The following SUPT7L variants were observed in gnomAD, a reference collection of about 807,000 sequenced individuals.
The protein encoded by SUPT7L is SPT7 like, STAGA complex subunit gamma, also known as STAGA complex 65 subunit gamma.
In SUPT7L, 15 loss-of-function variants were observed where a neutral mutation model predicts 35.7. The ratio of observed to expected loss-of-function variants is 0.42; its 90% CI spans 0.28 to 0.65. The LOEUF (loss-of-function observed/expected upper bound fraction) is 0.65, where lower values mean the gene tolerates loss of function less well. Ranked by LOEUF, SUPT7L falls within the 30% of genes least tolerant of loss-of-function variation. The pLI is 0.23. For synonymous variants in SUPT7L, 168 were observed against 186.2 expected (o/e 0.90, Z 0.79); for missense variants, 434 against 522.2 (o/e 0.83, Z 1.65).
At chr2:27,659,334 T>A (rs1364393868) in intron 3 of SUPT7L, among the ~76,000 whole-genome samples, 1 of 152,242 alleles carries the variant, frequency 6.6e-6, no homozygotes. Context: ...ACTAAAATAG[T>A]ATTACCAGCA....
rs1317557898 is a variant in SUPT7L, at chr2:27,653,548, G to A, written c.1182C>T (p.Asp394=). 2 of 1,614,216 alleles carry A rather than the reference G, an allele frequency of 1.2e-6. No homozygotes were observed. Among genetic ancestry groups the A allele is most frequent in the Admixed American group, 1.7e-5 (1 of 60,026 alleles). ...SDSSYGSHST[D]SLMGSSPVFN... ...AAACAGGGGAGGACCCCATGAGGCT[G>A]TCAGTGGAGTGGGAACCATAGCTGC... The change falls in exon 6 of 6, where the codon GAC becomes GAT. Residue 394 remains aspartate (D), a synonymous_variant. Transcript: ENST00000337768.
chr2:27,644,732 T>G, the SUPT7L span, among the ~76,000 whole-genome samples: 1,658 of 148,528 alleles, frequency 0.011, 17 homozygotes, highest in Non-Finnish European at 0.018. Context: ...TGTTTTTTTT[T>G]TTTTTTTTTT....
At position 27,653,431 on chromosome 2, in the gene SUPT7L, A is replaced by T; in HGVS notation, c.*54T>A. 6.4e-7 allele frequency: 1 copy of T among 1,558,604 alleles called. No individual in the cohort carries two copies. Among genetic ancestry groups the T allele is most frequent in the Admixed American group, 1.9e-5 (1 of 51,980 alleles). ...TTAAGGAAACAGATTCTAATACAAA[A>T]ACCTTTTCTGTTGGGTCTAGTAGGT... On this transcript the variant is annotated 3_prime_UTR_variant, in exon 6 of 6. Transcript: ENST00000337768.
At chr2:27,646,333 TG>T (rs1273574622), downstream of SUPT7L, among the ~76,000 whole-genome samples, 1 of 152,162 alleles carries the variant, frequency 6.6e-6, no homozygotes, top group African/African-American at 2.4e-5. Flanking sequence ...TGAGCCACCA[TG>T]CCCAGCCCCA....
chr2:27,659,789 A>C (rs1674964872), intron 3 of SUPT7L, among the ~76,000 whole-genome samples: 1 of 152,196 alleles, frequency 6.6e-6, no homozygotes, highest in Admixed American at 6.6e-5. Flanking sequence ...ACAAGTATGC[A>C]TATATGTATG....
intron 2 of SUPT7L, chr2:27,661,828 T>C: frequency 2.5e-6 from 1 of 396,594 alleles, no homozygotes; most frequent in East Asian, 5.9e-5. Context: ...TAAGGTATCT[T>C]GATACATCTG....
At chr2:27,661,608 AAATT>A (rs1675113514) in intron 2 of SUPT7L, 14 of 1,393,506 alleles carry the variant, frequency 1.0e-5, no homozygotes, top group Non-Finnish European at 1.3e-5. Context: ...CTCCCTAAAT[AAATT>A]AAGAGAAATG....
the SUPT7L span, among the ~76,000 whole-genome samples, chr2:27,645,532 A>G: frequency 7.2e-5 from 11 of 152,186 alleles, no homozygotes; most frequent in African/African-American, 2.6e-4. Context: ...CATCTCTATG[A>G]TGTTCAGTCT....
intron 1 of SUPT7L, 106 bp from the exon 2 acceptor site, chr2:27,662,387 C>T: frequency 1.8e-6 from 1 of 569,718 alleles, no homozygotes; most frequent in Non-Finnish European, 3.1e-6. Context: ...AAAGGAGGAG[C>T]TTCCTGGGTG....
At chr2:27,650,172 C>T, downstream of SUPT7L, 1 of 1,601,506 alleles carries the variant, frequency 6.2e-7, no homozygotes, top group Non-Finnish European at 8.6e-7. Context: ...GAATCGATGG[C>T]ACAATACTGG....
At chr2:27,654,733 A>G (rs1385087336) in intron 5 of SUPT7L, among the ~76,000 whole-genome samples, 3 of 152,016 alleles carry the variant, frequency 2.0e-5, no homozygotes, top group Non-Finnish European at 2.9e-5. Flanking sequence ...CGCCCAGCAT[A>G]TTTTTTGTAT....
At chr2:27,656,390 T>C (rs1674806027) in intron 4 of SUPT7L, among the ~76,000 whole-genome samples, 1 of 152,152 alleles carries the variant, frequency 6.6e-6, no homozygotes, top group Non-Finnish European at 1.5e-5. Context: ...CTCCAGGCAA[T>C]ATCATTTTAC....
chr2:27,659,057 CA>C (rs1365607477), intron 3 of SUPT7L, among the ~76,000 whole-genome samples: 1 of 152,106 alleles, frequency 6.6e-6, no homozygotes, highest in African/African-American at 2.4e-5. Flanking sequence ...TGATAGATAA[CA>C]TTATATTGTT....
chr2:27,646,900 A>C (rs1674258820), downstream of SUPT7L, among the ~76,000 whole-genome samples: 1 of 152,168 alleles, frequency 6.6e-6, no homozygotes, highest in East Asian at 1.9e-4. Context: ...AGCAAAATAC[A>C]TTTCTATGTG....
chr2:27,662,287 G>A lies in SUPT7L; in HGVS notation c.-89-6C>T. 5 of 1,345,418 alleles carry A rather than the reference G, an allele frequency of 3.7e-6. No homozygotes were observed. The highest frequency in any genetic ancestry group is 3.4e-5 in the Admixed American group (2 of 59,168). The allele number at this position is 1,345,418 out of a possible 1,614,324, so 83.3% of individuals were successfully genotyped here. A position where few individuals can be genotyped will look rare whatever the true frequency, so the allele number is the denominator to read the frequency against. ...GATAATGTGAGATCCTTGCCCTGAA[G>A]TGAGGAAGAGAAACAGAAGCAGAAT... On this transcript the variant is annotated splice_region_variant and splice_polypyrimidine_tract_variant and intron_variant, in intron 1 of 5. Transcript: ENST00000337768.
the SUPT7L span, among the ~76,000 whole-genome samples, chr2:27,644,026 A>G: frequency 6.6e-6 from 1 of 152,180 alleles, no homozygotes; most frequent in Non-Finnish European, 1.5e-5. Flanking sequence ...TAAAAATACA[A>G]AAAATTAGCT....
In SUPT7L at chr2:27,661,031, A is replaced by G. The variant is rs780766858; in HGVS notation, c.372T>C (p.Asn124=). 3.1e-6 allele frequency: 5 copies of G among 1,614,170 alleles called. No homozygotes were observed. The highest frequency in any genetic ancestry group is 4.2e-6 in the Non-Finnish European group (5 of 1,180,016). ...CACTGTGCCGGATCTGGAATGGTGCATTGGGATTCTTACAATCTAAAGGCA... is the reference window on the plus strand; with the variant it reads ...CACTGTGCCGGATCTGGAATGGTGCGTTGGGATTCTTACAATCTAAAGGCA... ...DLLPLDCKNP[N]APFQIRHSDP... The change falls in exon 3 of 6, where the codon AAT becomes AAC. Residue 124 remains asparagine (N), a synonymous_variant. Coordinates refer to ENST00000337768, the MANE Select transcript of SUPT7L (RefSeq NM_014860.3).
downstream of SUPT7L, among the ~76,000 whole-genome samples, chr2:27,646,601 C>T (rs1674246035): frequency 1.3e-5 from 2 of 152,116 alleles, no homozygotes. Context: ...AGGGACTGCC[C>T]TCAAGATTCA....
Position 27,653,526 on chromosome 2 carries a change from CAG to C in SUPT7L, c.1202_1203del (p.Pro401ArgfsTer43), listed in dbSNP as rs755799794. The C allele has an allele frequency of 2.5e-5, 40 of 1,614,060 alleles. No homozygotes were observed. The highest frequency in any genetic ancestry group is 9.9e-5 in the South Asian group (9 of 91,084). ...CTCTTCTTGCAGCGCTGGTTGAAAACAGGGGAGGACCCCATGAGGCTGTCAGT... is the reference window on the plus strand; with the variant it reads ...CTCTTCTTGCAGCGCTGGTTGAAAACGGGAGGACCCCATGAGGCTGTCAGT... ...HSTDSLMGSS[P>X]VFNQRCKKRM... On this transcript the variant is annotated frameshift_variant, in exon 6 of 6. Transcript: ENST00000337768. LOFTEE classifies it high-confidence loss of function.
Sources: allele counts gnomAD v4.1 joint callset (sites outside exome capture counted in the v4.1 genomes callset), GRCh38; gene constraint gnomAD v4.1.1; transcripts MANE v1.5; gene names NCBI Gene and HGNC (gene_info 2026-07-23, HGNC 2026-07-21).